The following SYN2 variants were observed in gnomAD, a reference collection of about 807,000 sequenced individuals.
SYN2 encodes the protein synapsin-2.
Under a neutral mutation model 50.9 loss-of-function variants are expected in SYN2, and 19 were observed. The ratio of observed to expected loss-of-function variants is 0.37; its 90% CI spans 0.26 to 0.55. The LOEUF (loss-of-function observed/expected upper bound fraction) is 0.55, where lower values mean the gene tolerates loss of function less well. Among genes scored for constraint, SYN2 ranks in the 20% least tolerant of loss-of-function variants. The pLI is 0.81. For synonymous variants in SYN2, 255 were observed against 224.9 expected (o/e 1.13, Z -1.20); for missense variants, 587 against 576.4 (o/e 1.02, Z -0.19).
At chr3:12,041,843 A>G (rs1288980682) in intron 1 of SYN2, among the ~76,000 whole-genome samples, 4 of 152,198 alleles carry the variant, frequency 2.6e-5, no homozygotes, top group Non-Finnish European at 5.9e-5. Context: ...CACCATCTGC[A>G]CCTGACAGGC....
At chr3:12,176,980 G>A (rs528378306) in intron 10 of SYN2, among the ~76,000 whole-genome samples, 1 of 152,144 alleles carries the variant, frequency 6.6e-6, no homozygotes, top group Non-Finnish European at 1.5e-5. Context: ...GGGAGGGCTG[G>A]GGACTGGGGC....
intron 10 of SYN2, among the ~76,000 whole-genome samples, chr3:12,182,370 C>T (rs1483691365): frequency 2.0e-5 from 3 of 152,180 alleles, no homozygotes; most frequent in African/African-American, 7.2e-5. Context: ...ACTTGGCAGA[C>T]TTTAGGCTTC....
intron 1 of SYN2, among the ~76,000 whole-genome samples, chr3:12,055,526 G>A (rs1380236212): frequency 6.6e-6 from 1 of 152,176 alleles, no homozygotes; most frequent in Non-Finnish European, 1.5e-5. Flanking sequence ...GGGATTTTGT[G>A]ATTGTGTTGA....
intron 1 of SYN2, among the ~76,000 whole-genome samples, chr3:12,138,090 C>A (rs1450234847): frequency 1.3e-5 from 2 of 152,190 alleles, no homozygotes; most frequent in African/African-American, 4.8e-5. Flanking sequence ...AGACTTCTAT[C>A]ATTTGCTAGC....
intron 1 of SYN2, among the ~76,000 whole-genome samples, chr3:12,090,344 T>G (rs900006774): frequency 6.7e-6 from 1 of 149,266 alleles, no homozygotes; most frequent in Non-Finnish European, 1.5e-5. Flanking sequence ...ACGAAACAGG[T>G]CATACCTAGG....
At chr3:12,007,681 T>C (rs536078241) in intron 1 of SYN2, among the ~76,000 whole-genome samples, 2 of 152,276 alleles carry the variant, frequency 1.3e-5, no homozygotes, top group South Asian at 2.1e-4. Flanking sequence ...AATTATATAA[T>C]GCTAAAATAA....
chr3:12,182,351 C>T (rs148874014), intron 10 of SYN2, among the ~76,000 whole-genome samples: 2 of 152,114 alleles, frequency 1.3e-5, no homozygotes, highest in South Asian at 2.1e-4. Flanking sequence ...TTGACATCAC[C>T]GTTGGCACAC....
intron 1 of SYN2, among the ~76,000 whole-genome samples, chr3:12,107,642 G>A (rs115255204): frequency 0.028 from 4,234 of 152,196 alleles, 77 homozygotes; most frequent in Non-Finnish European, 0.04. Flanking sequence ...GGTGGCTCAC[G>A]CCTGTAATTC....
intron 1 of SYN2, among the ~76,000 whole-genome samples, chr3:12,092,332 T>C (rs1009181774): frequency 6.6e-6 from 1 of 152,220 alleles, no homozygotes; most frequent in African/African-American, 2.4e-5. Context: ...ATGTTGCTCT[T>C]TCTTTAAGAG....
At chr3:12,008,396 T>G (rs1296553482) in intron 1 of SYN2, among the ~76,000 whole-genome samples, 1 of 152,156 alleles carries the variant, frequency 6.6e-6, no homozygotes, top group Non-Finnish European at 1.5e-5. Context: ...GCTGTCCAGA[T>G]AGGTAGATAA....
chr3:12,161,266 A>G (rs538346110), intron 5 of SYN2, among the ~76,000 whole-genome samples: 1 of 152,294 alleles, frequency 6.6e-6, no homozygotes, highest in South Asian at 2.1e-4. Flanking sequence ...AGTCCTGCCC[A>G]GGTTTTGTCT....
chr3:12,080,608 T>G (rs1306011579), intron 1 of SYN2, among the ~76,000 whole-genome samples: 1 of 152,132 alleles, frequency 6.6e-6, no homozygotes, highest in African/African-American at 2.4e-5. Flanking sequence ...TGTAGTTGTG[T>G]GGTTTTGAGT....
intron 1 of SYN2, among the ~76,000 whole-genome samples, chr3:12,106,320 A>T: frequency 6.6e-6 from 1 of 152,174 alleles, no homozygotes; most frequent in Non-Finnish European, 1.5e-5. Context: ...GTGTAATTAG[A>T]TGAGGCCCAC....
intron 1 of SYN2, among the ~76,000 whole-genome samples, chr3:12,101,761 T>C (rs1353505670): frequency 1.3e-5 from 2 of 152,124 alleles, no homozygotes; most frequent in Non-Finnish European, 2.9e-5. Context: ...ACATCCCTCA[T>C]AGAGGAATAT....
At chr3:12,155,813 G>C (rs1322553880) in intron 5 of SYN2, among the ~76,000 whole-genome samples, 4 of 152,196 alleles carry the variant, frequency 2.6e-5, no homozygotes, top group East Asian at 3.9e-4. Flanking sequence ...TAGACACACA[G>C]AGGGCAGGTG....
intron 10 of SYN2, among the ~76,000 whole-genome samples, chr3:12,178,211 C>T (rs559449677): frequency 6.6e-6 from 1 of 152,310 alleles, no homozygotes; most frequent in East Asian, 1.9e-4. Context: ...GGCCTGGCCT[C>T]TTTCCTGGGG....
intron 1 of SYN2, among the ~76,000 whole-genome samples, chr3:12,084,929 A>C (rs1029999797): frequency 2.0e-5 from 3 of 152,124 alleles, no homozygotes; most frequent in Non-Finnish European, 4.4e-5. Flanking sequence ...ATACCACTGC[A>C]GGAAATCATT....
At chr3:12,023,203 A>T (rs995911566) in intron 1 of SYN2, among the ~76,000 whole-genome samples, 7 of 134,194 alleles carry the variant, frequency 5.2e-5, no homozygotes, top group South Asian at 2.4e-4. Flanking sequence ...CTTTATAAAT[A>T]AAAAAAAAAA....
intron 11 of SYN2, chr3:12,184,076 A>T: frequency 1.0e-6 from 1 of 986,224 alleles, no homozygotes; most frequent in Non-Finnish European, 1.2e-6. Flanking sequence ...TTATGTGAAT[A>T]GGCTGGCTGT....
Sources: gnomAD v4.1 joint callset for allele counts (sites outside exome capture counted in the v4.1 genomes callset) on GRCh38, gnomAD v4.1.1 for gene constraint, MANE v1.5 for transcripts, NCBI Gene and HGNC (gene_info 2026-07-23, HGNC 2026-07-21) for gene names.